The following NEBL variants were observed in gnomAD, a reference collection of about 807,000 sequenced individuals.
NEBL encodes the protein nebulette.
NEBL carries 122 observed loss-of-function variants against 140.2 expected under a neutral mutation model. The ratio of observed to expected loss-of-function variants is 0.87; its 90% CI spans 0.75 to 1.01. NEBL has a LOEUF of 1.01. NEBL is among the 50% of genes least tolerant of loss of function. The pLI, the probability that NEBL is intolerant of heterozygous loss-of-function variation, is 0.00. For synonymous variants in NEBL, 436 were observed against 398.9 expected (o/e 1.09, Z -1.11); for missense variants, 1,365 against 1,231.3 (o/e 1.11, Z -1.62).
At chr10:20,953,982 T>G (rs1835645134) in intron 4 of NEBL, among the ~76,000 whole-genome samples, 2 of 149,628 alleles carry the variant, frequency 1.3e-5, no homozygotes, top group Admixed American at 6.7e-5. Flanking sequence ...AGATTTTACT[T>G]GCCTAGACTG....
intron 2 of NEBL, among the ~76,000 whole-genome samples, chr10:21,079,038 C>A (rs979345383): frequency 6.6e-6 from 1 of 152,236 alleles, no homozygotes. Flanking sequence ...ATCTAAATGA[C>A]AAATGGCACA....
chr10:20,851,952 A>G (rs1299655628), intron 10 of NEBL, among the ~76,000 whole-genome samples: 1 of 150,960 alleles, frequency 6.6e-6, no homozygotes, highest in African/African-American at 2.4e-5. Context: ...AAAGAGTGAT[A>G]TAATATTTTA....
intron 11 of NEBL, among the ~76,000 whole-genome samples, chr10:20,849,757 G>A (rs1240828984): frequency 1.3e-5 from 2 of 152,026 alleles, no homozygotes; most frequent in African/African-American, 2.4e-5. Flanking sequence ...AACACAAAAT[G>A]GACTAAAATA....
Position 20,888,134 on chromosome 10 carries a change from C to T in NEBL, c.332G>A (p.Ser111Asn), listed in dbSNP as rs764076440. The T allele has an allele frequency of 6.2e-7, 1 of 1,613,766 alleles. No homozygotes were observed. The highest frequency in any genetic ancestry group is 1.3e-5 in the African/African-American group (1 of 74,896). The change falls in exon 4 of 28, where the codon AGT becomes AAT. Residue 111 changes from serine (S) to asparagine (N), a missense_variant. By Grantham distance (46) the Ser-to-Asn change is conservative (BLOSUM62 1). Around this residue, in one of 2 missense-constraint regions of NEBL, gnomAD observed 1,323 missense variants for 1,154.8 expected, o/e 1.15. Coordinates refer to ENST00000377122, the MANE Select transcript of NEBL (RefSeq NM_006393.3). ...CTGTGTAACTTCTCCTGCAAAAACA[C>T]TGTCAATTGTGGCTGGCATCCGCTT... ...LYKRMPATID[S>N]VFAGEVTQLQ...
At chr10:21,022,352 T>A (rs980119019) in intron 2 of NEBL, among the ~76,000 whole-genome samples, 2 of 152,182 alleles carry the variant, frequency 1.3e-5, no homozygotes, top group Admixed American at 6.5e-5. Flanking sequence ...TGGCGTCCCA[T>A]GAGAAGGCTG....
intron 2 of NEBL, among the ~76,000 whole-genome samples, chr10:21,150,885 C>A (rs974198409): frequency 1.2e-4 from 19 of 152,150 alleles, no homozygotes; most frequent in Non-Finnish European, 1.0e-4. Flanking sequence ...GGCTGAAGAA[C>A]AAGGTTCCGT....
chr10:21,197,049 T>C (rs940755769), intron 3 of NEBL, among the ~76,000 whole-genome samples: 8 of 152,244 alleles, frequency 5.3e-5, no homozygotes, highest in African/African-American at 1.9e-4. Context: ...AAAAGCATGA[T>C]GAAGATACAT....
intron 4 of NEBL, among the ~76,000 whole-genome samples, chr10:20,887,334 AAC>A (rs1846616837): frequency 6.6e-6 from 1 of 152,144 alleles, no homozygotes; most frequent in Non-Finnish European, 1.5e-5. Context: ...CTAAAGGAAA[AAC>A]ACAATCTACA....
chr10:20,890,165 G>A (rs564451508), intron 2 of NEBL, among the ~76,000 whole-genome samples: 9 of 152,260 alleles, frequency 5.9e-5, no homozygotes, highest in South Asian at 2.1e-4. Context: ...TTAGATAAGC[G>A]AGGGTCCAGT....
chr10:20,909,772 A>AAT (rs1848252331), intron 4 of NEBL, among the ~76,000 whole-genome samples: 3 of 152,078 alleles, frequency 2.0e-5, no homozygotes. Context: ...TTGAAACAAT[A>AAT]ATATATACAA....
chr10:21,036,942 T>C (rs752029514), intron 2 of NEBL, among the ~76,000 whole-genome samples: 1 of 152,148 alleles, frequency 6.6e-6, no homozygotes, highest in African/African-American at 2.4e-5. Flanking sequence ...CTTGCTTTTG[T>C]TTGTTTCGTT....
At chr10:21,076,191 C>T (rs1480763259) in intron 2 of NEBL, among the ~76,000 whole-genome samples, 1 of 151,874 alleles carries the variant, frequency 6.6e-6, no homozygotes, top group African/African-American at 2.4e-5. Flanking sequence ...ACCTGTAATC[C>T]CAGCACTTTA....
At chr10:21,079,449 A>G (rs544263312) in intron 2 of NEBL, among the ~76,000 whole-genome samples, 1 of 152,384 alleles carries the variant, frequency 6.6e-6, no homozygotes, top group East Asian at 1.9e-4. Context: ...TCAGGCTCAC[A>G]GGGCTTAAGT....
chr10:21,167,051 G>A (rs1170477839), intron 2 of NEBL, among the ~76,000 whole-genome samples: 1 of 152,290 alleles, frequency 6.6e-6, no homozygotes, highest in African/African-American at 2.4e-5. Flanking sequence ...CACTGGCCTC[G>A]ATAATCACAC....
At chr10:20,839,070 G>A (rs967716006) in intron 13 of NEBL, among the ~76,000 whole-genome samples, 1 of 152,104 alleles carries the variant, frequency 6.6e-6, no homozygotes, top group African/African-American at 2.4e-5. Flanking sequence ...GATCCATTGT[G>A]AGGATCAATG....
At chr10:21,128,627 A>G (rs1274977416) in intron 2 of NEBL, among the ~76,000 whole-genome samples, 2 of 152,222 alleles carry the variant, frequency 1.3e-5, no homozygotes, top group African/African-American at 4.8e-5. Context: ...TCTAGAAAAG[A>G]AAGTTCAGAA....
In NEBL at chr10:20,850,496, A is replaced by G; in HGVS notation, c.1015T>C (p.Tyr339His). 3.2e-6 allele frequency: 5 copies of G among 1,586,612 alleles called. No homozygotes were observed. Among genetic ancestry groups the G allele is most frequent in the Non-Finnish European group, 3.5e-6 (4 of 1,155,466 alleles). ...GNAVLQSQVK[Y>H]KEEYEKNKGK... ...TTATTTTTCTCATATTCTTCTTTAT[A>G]TTTCACCTTCATTGGAAAAAGAAAA... The change falls in exon 11 of 28, where the codon TAT becomes CAT. Residue 339 changes from tyrosine to histidine, a missense_variant. By Grantham distance (83) the Tyr-to-His change is moderately conservative (BLOSUM62 2). Coordinates refer to ENST00000377122, the MANE Select transcript of NEBL (RefSeq NM_006393.3).
chr10:20,837,024 C>T (rs1313845341), intron 13 of NEBL, among the ~76,000 whole-genome samples: 2 of 152,142 alleles, frequency 1.3e-5, no homozygotes, highest in African/African-American at 2.4e-5. Flanking sequence ...TTGGGCTTCC[C>T]TATTCCCTAA....
chr10:21,218,751 A>C (rs1313945448), intron 3 of NEBL, among the ~76,000 whole-genome samples: 4 of 152,190 alleles, frequency 2.6e-5, no homozygotes, highest in Admixed American at 6.5e-5. Context: ...AAGTGATCAG[A>C]CTTGGGGACA....
Sources: gnomAD v4.1 joint callset for allele counts (sites outside exome capture counted in the v4.1 genomes callset) on GRCh38, gnomAD v4.1.1 for gene constraint, gnomAD v4.1.1 regional missense constraint, MANE v1.5 for transcripts, NCBI Gene and HGNC (gene_info 2026-07-23, HGNC 2026-07-21) for gene names.